Variants in RBFOX1 observed in about 807,000 individuals in gnomAD.
The protein encoded by RBFOX1 is RNA binding protein fox-1 homolog 1.
A neutral mutation model predicts 57.7 loss-of-function variants in RBFOX1; 8 were observed. That is an observed-to-expected ratio of 0.14 (90% CI 0.08 to 0.25). The LOEUF (loss-of-function observed/expected upper bound fraction) is 0.25. RBFOX1 is among the 10% of genes least tolerant of loss of function. The pLI, the probability that RBFOX1 is intolerant of heterozygous loss-of-function variation, is 1.00. For synonymous variants in RBFOX1, 326 were observed against 222.4 expected (o/e 1.47, Z -4.15); for missense variants, 611 against 548.5 (o/e 1.11, Z -1.14).
At chr16:7,587,054 A>T (rs1223250058) in intron 6 of RBFOX1, among the ~76,000 whole-genome samples, 193 bp from the exon 7 acceptor site, 1 of 152,244 alleles carries the variant, frequency 6.6e-6, no homozygotes, top group African/African-American at 2.4e-5. Flanking sequence ...CCTTGCCGGT[A>T]TATTCCATAA....
At position 6,885,498 on chromosome 16, in the gene RBFOX1, G is replaced by T. The variant is rs191724869; in HGVS notation, c.-15-166559G>T. The stretch of plus-strand genomic sequence containing the variant: ...GACTTTCTTGACAAAGTCCAGGATG[G>T]TGCATTAAATCTACTTCTGCATTTT... On this transcript the variant is annotated intron_variant, in intron 3 of 15. Transcript: ENST00000550418. Among the ~76,000 whole-genome samples, 53 of 152,170 alleles carry T rather than the reference G, an allele frequency of 3.5e-4. 2 individuals carry two copies. The East Asian group carries it at 9.9e-3, about 28-fold the overall frequency.
chr16:7,541,718 T>G (rs2152470296), intron 5 of RBFOX1, among the ~76,000 whole-genome samples: 1 of 152,356 alleles, frequency 6.6e-6, no homozygotes, highest in South Asian at 2.1e-4. Context: ...GCTTTCTCCA[T>G]GCAAGCAGCC....
intron 3 of RBFOX1, among the ~76,000 whole-genome samples, chr16:6,802,466 C>A (rs530117836): frequency 6.6e-6 from 1 of 152,124 alleles, no homozygotes; most frequent in Non-Finnish European, 1.5e-5. Context: ...CACCTGAGGT[C>A]AGGAGTTTGA....
At chr16:5,428,990 A>G (rs543407548) in intron 1 of RBFOX1, among the ~76,000 whole-genome samples, 2 of 152,044 alleles carry the variant, frequency 1.3e-5, no homozygotes, top group South Asian at 4.2e-4. Context: ...CAACCCTCCG[A>G]CCTGTGGCTT....
At chr16:7,167,382 A>G (rs933786900) in intron 4 of RBFOX1, among the ~76,000 whole-genome samples, 2 of 151,968 alleles carry the variant, frequency 1.3e-5, no homozygotes, top group African/African-American at 4.8e-5. Flanking sequence ...TGGTGTTTCA[A>G]TAAGAGAAAT....
At chr16:6,954,245 C>G (rs1486549736) in intron 3 of RBFOX1, among the ~76,000 whole-genome samples, 1 of 146,014 alleles carries the variant, frequency 6.8e-6, no homozygotes, top group Non-Finnish European at 1.5e-5. Flanking sequence ...TTTGAAGGTG[C>G]TATGTAATAA....
At chr16:6,302,182 C>G (rs747294790) in intron 1 of RBFOX1, among the ~76,000 whole-genome samples, 1 of 152,004 alleles carries the variant, frequency 6.6e-6, no homozygotes, top group Non-Finnish European at 1.5e-5. Flanking sequence ...GATGAGGTGG[C>G]ATATTAGATA....
At chr16:6,960,802 C>T (rs375706979) in intron 3 of RBFOX1, among the ~76,000 whole-genome samples, 1 of 151,822 alleles carries the variant, frequency 6.6e-6, no homozygotes, top group African/African-American at 2.4e-5. Flanking sequence ...GGGATTGGCC[C>T]AGGGTTGGGT....
intron 4 of RBFOX1, among the ~76,000 whole-genome samples, chr16:7,195,342 C>T (rs2086435450): frequency 6.6e-6 from 1 of 152,116 alleles, no homozygotes; most frequent in Non-Finnish European, 1.5e-5. Flanking sequence ...CTTTTCTAGC[C>T]AGTTTCACCA....
At chr16:7,635,008 T>G (rs2061537053) in intron 11 of RBFOX1, among the ~76,000 whole-genome samples, 1 of 152,232 alleles carries the variant, frequency 6.6e-6, no homozygotes, top group African/African-American at 2.4e-5. Context: ...CTGCTTGGTA[T>G]GTGGACTGTT....
At chr16:6,370,362 GAAAAAAAAAAAAAA>G (rs71145221) in intron 2 of RBFOX1, among the ~76,000 whole-genome samples, 9 of 81,976 alleles carry the variant, frequency 1.1e-4, no homozygotes, top group East Asian at 4.5e-4. Flanking sequence ...CGTCTCAAAA[GAAAAAAAAAAAAAA>G]AAAAAAAAAA....
intron 2 of RBFOX1, among the ~76,000 whole-genome samples, chr16:6,476,309 T>G (rs1175015096): frequency 1.3e-5 from 2 of 152,166 alleles, no homozygotes; most frequent in East Asian, 3.9e-4. Context: ...TTTAAAAAAA[T>G]AGTAAATACA....
chr16:5,731,296 C>T (rs1317914264), intron 3 of RBFOX1, among the ~76,000 whole-genome samples: 4 of 152,114 alleles, frequency 2.6e-5, no homozygotes, highest in Non-Finnish European at 5.9e-5. Context: ...ACTATCACCA[C>T]CACCACCATC....
At chr16:6,635,102 T>G (rs1156270927) in intron 2 of RBFOX1, among the ~76,000 whole-genome samples, 11 of 134,802 alleles carry the variant, frequency 8.2e-5, no homozygotes, top group Admixed American at 5.4e-4. Context: ...ATATTATATA[T>G]AAAGTATTAT....
intron 2 of RBFOX1, among the ~76,000 whole-genome samples, chr16:5,477,991 C>G (rs556192858): frequency 6.6e-6 from 1 of 152,272 alleles, no homozygotes; most frequent in African/African-American, 2.4e-5. Context: ...CTCCCCACTT[C>G]TAGGTAACCC....
chr16:6,102,893 G>A (rs904274101), intron 1 of RBFOX1, among the ~76,000 whole-genome samples: 4 of 152,058 alleles, frequency 2.6e-5, no homozygotes, highest in African/African-American at 9.7e-5. Flanking sequence ...GGTCATTTGG[G>A]GTTTTTTTTA....
intron 4 of RBFOX1, among the ~76,000 whole-genome samples, chr16:7,076,018 A>T (rs146488463): frequency 7.4e-5 from 11 of 148,700 alleles, no homozygotes; most frequent in African/African-American, 5.0e-5. Flanking sequence ...GTCAGTTTCT[A>T]TTTATCCTCA....
At chr16:5,907,462 G>T (rs1161405971) in intron 4 of RBFOX1, among the ~76,000 whole-genome samples, 3 of 152,090 alleles carry the variant, frequency 2.0e-5, no homozygotes, top group Non-Finnish European at 2.9e-5. Flanking sequence ...CATCATCTGT[G>T]TGACATTGTG....
At chr16:7,436,524 A>T (rs6500967) in intron 4 of RBFOX1, among the ~76,000 whole-genome samples, 2 of 152,086 alleles carry the variant, frequency 1.3e-5, no homozygotes, top group Non-Finnish European at 2.9e-5. Flanking sequence ...TGCCTCATCC[A>T]TCCAACAACT....
Sources: gnomAD v4.1 joint callset for allele counts (sites outside exome capture counted in the v4.1 genomes callset) on GRCh38, gnomAD v4.1.1 for gene constraint, MANE v1.5 for transcripts, NCBI Gene and HGNC (gene_info 2026-07-23, HGNC 2026-07-21) for gene names.